SEH1L: variants seen among roughly 807,000 people sequenced by gnomAD.
SEH1L encodes the protein SEH1 like nucleoporin.
Under a neutral mutation model 49.5 loss-of-function variants are expected in SEH1L, and 18 were observed. The observed-to-expected ratio is 0.36, with a 90% CI of 0.25 to 0.54. The LOEUF is 0.54. Ranked by LOEUF, SEH1L falls within the 20% of genes least tolerant of loss-of-function variation. SEH1L has a pLI of 0.87. For missense variants in SEH1L, 404 were observed against 528.8 expected (o/e 0.76, Z 2.31); for synonymous variants, 169 against 178.1 (o/e 0.95, Z 0.41).
At chr18:12,968,222 C>T (rs941255261) in intron 4 of SEH1L, among the ~76,000 whole-genome samples, 10 of 152,178 alleles carry the variant, frequency 6.6e-5, no homozygotes, top group African/African-American at 1.7e-4. Flanking sequence ...AACTTACTCT[C>T]TCAACTAGGG....
At chr18:12,954,004 TG>T (rs779258003) in intron 2 of SEH1L, among the ~76,000 whole-genome samples, 2 of 152,198 alleles carry the variant, frequency 1.3e-5, no homozygotes, top group Non-Finnish European at 2.9e-5. Flanking sequence ...TCTGCCTTAG[TG>T]TGCATTTTTA....
chr18:12,951,748 T>TTA, intron 1 of SEH1L, 107 bp from the exon 2 acceptor site: 1 of 692,050 alleles, frequency 1.4e-6, no homozygotes. Context: ...TGTTCTTTTG[T>TTA]TAACTATATG....
chr18:12,967,734 C>T (rs1322180635), intron 4 of SEH1L, among the ~76,000 whole-genome samples: 1 of 151,964 alleles, frequency 6.6e-6, no homozygotes, highest in Non-Finnish European at 1.5e-5. Flanking sequence ...GCCAACACAG[C>T]GAAACACTGT....
At chr18:12,962,655 T>C (rs1445833002) in intron 3 of SEH1L, among the ~76,000 whole-genome samples, 1 of 150,086 alleles carries the variant, frequency 6.7e-6, no homozygotes, top group African/African-American at 2.5e-5. Context: ...TAGTTTTTAG[T>C]AGAGACGGTG....
intron 3 of SEH1L, among the ~76,000 whole-genome samples, 184 bp from the exon 4 acceptor site, chr18:12,962,976 C>T (rs1382012877): frequency 2.0e-5 from 3 of 151,682 alleles, no homozygotes; most frequent in African/African-American, 7.3e-5. Flanking sequence ...TTAGTGATTC[C>T]CAGCTATATA....
chr18:12,948,268 A>T, intron 1 of SEH1L, 36 bp downstream of exon 1: 1 of 1,470,050 alleles, frequency 6.8e-7, no homozygotes, highest in South Asian at 1.1e-5. Flanking sequence ...CCGACCCCGG[A>T]AGGAAGGAAG....
intron 5 of SEH1L, 43 bp from the exon 6 acceptor site, chr18:12,978,709 C>T: frequency 6.4e-7 from 1 of 1,558,000 alleles, no homozygotes; most frequent in Admixed American, 1.7e-5. Context: ...GATTTTTGCA[C>T]ATTTTATTTC....
intron 6 of SEH1L, among the ~76,000 whole-genome samples, chr18:12,979,740 C>CG (rs1332055086): frequency 7.1e-6 from 1 of 140,386 alleles, no homozygotes. Context: ...GCTGGCCGGG[C>CG]GGGGGGCTGA....
chr18:12,959,340 C>G (rs1172132408), intron 3 of SEH1L, among the ~76,000 whole-genome samples: 2 of 152,104 alleles, frequency 1.3e-5, no homozygotes, highest in Non-Finnish European at 2.9e-5. Context: ...TGCATTTATA[C>G]TTACCAGTTA....
rs370442446 is a variant in SEH1L at position 12,948,262 on chromosome 18, C to T, written c.111+30C>T. On this transcript the variant is annotated intron_variant, in intron 1 of 8. Transcript: ENST00000399892. Reference sequence around the variant, plus strand: ...GCGCGGCGCTTGCGGGCGGGGCCGACCCCGGAAGGAAGGAAGGGGAGTGGG... The same window carrying T: ...GCGCGGCGCTTGCGGGCGGGGCCGATCCCGGAAGGAAGGAAGGGGAGTGGG... 6 of 1,548,350 alleles carry T rather than the reference C, an allele frequency of 3.9e-6. No individual in the cohort carries two copies. The African/African-American group carries it at 5.5e-5, about 14-fold the overall frequency.
chr18:12,948,304 C>CG (rs933954918), intron 1 of SEH1L, 72 bp downstream of exon 1: 2 of 1,106,114 alleles, frequency 1.8e-6, no homozygotes, highest in African/African-American at 3.1e-5. Context: ...GCGCGGGGAA[C>CG]GGGGCTGTGT....
chr18:12,982,960 A>T (rs2032330070), intron 7 of SEH1L: 1 of 208,702 alleles, frequency 4.8e-6, no homozygotes, highest in African/African-American at 2.3e-5. Context: ...TATGTACCTT[A>T]CATGACTGCT....
intron 4 of SEH1L, among the ~76,000 whole-genome samples, chr18:12,963,663 G>A (rs944377481): frequency 1.3e-5 from 2 of 152,202 alleles, no homozygotes; most frequent in Non-Finnish European, 2.9e-5. Context: ...ATATTCACTA[G>A]CACAAGTAGA....
chr18:12,959,140 G>A (rs1217401494), intron 3 of SEH1L, among the ~76,000 whole-genome samples: 1 of 152,088 alleles, frequency 6.6e-6, no homozygotes, highest in Admixed American at 6.6e-5. Context: ...TTGGTCAATT[G>A]TATGTCTTCC....
intron 4 of SEH1L, among the ~76,000 whole-genome samples, chr18:12,969,095 A>G (rs1414148434): frequency 6.6e-6 from 1 of 151,058 alleles, no homozygotes; most frequent in African/African-American, 2.4e-5. Context: ...CTGTAATGCT[A>G]GCTACTCAGG....
At chr18:12,951,546 A>G (rs1191891184) in intron 1 of SEH1L, among the ~76,000 whole-genome samples, 1 of 152,166 alleles carries the variant, frequency 6.6e-6, no homozygotes, top group East Asian at 1.9e-4. Flanking sequence ...ATGCGGCACC[A>G]TGCCTGGCTA....
At chr18:12,969,977 T>C (rs2031626167) in intron 4 of SEH1L, among the ~76,000 whole-genome samples, 1 of 152,216 alleles carries the variant, frequency 6.6e-6, no homozygotes, top group Non-Finnish European at 1.5e-5. Context: ...CCAAAAATTA[T>C]TATAAATAAC....
chr18:12,976,925 G>A (rs959166399), intron 5 of SEH1L: 1 of 150,758 alleles, frequency 6.6e-6, no homozygotes, highest in Non-Finnish European at 1.5e-5. Flanking sequence ...GCAGTGAGCC[G>A]AGATCACACC....
At chr18:12,986,098 T>A (rs1032223489) in intron 8 of SEH1L, 2 of 984,940 alleles carry the variant, frequency 2.0e-6, no homozygotes, top group African/African-American at 1.7e-5. Flanking sequence ...TTACTAAAAT[T>A]GTGCATGTAA....
Sources: allele counts gnomAD v4.1 joint callset (sites outside exome capture counted in the v4.1 genomes callset), GRCh38; gene constraint gnomAD v4.1.1; transcripts MANE v1.5; gene names NCBI Gene and HGNC (gene_info 2026-07-23, HGNC 2026-07-21).